The following CDH18 variants were observed in gnomAD, a reference collection of about 807,000 sequenced individuals.
CDH18 encodes the protein cadherin-18.
In CDH18, 31 loss-of-function variants were observed where a neutral mutation model predicts 67.9. That is an observed-to-expected ratio of 0.46 (90% CI 0.34 to 0.62). The LOEUF is 0.62. Among genes scored for constraint, CDH18 ranks in the 20% least tolerant of loss-of-function variants. The pLI is 0.01. For missense variants in CDH18, 890 were observed against 975.5 expected (o/e 0.91, Z 1.17); for synonymous variants, 362 against 347.2 (o/e 1.04, Z -0.48).
intron 11 of CDH18, among the ~76,000 whole-genome samples, chr5:19,491,857 C>A (rs1470635248): frequency 6.6e-6 from 1 of 151,656 alleles, no homozygotes; most frequent in Admixed American, 6.6e-5. Flanking sequence ...ATGCCACCAA[C>A]AAAGTAATAA....
At chr5:19,896,107 A>T (rs1789301824) in intron 2 of CDH18, among the ~76,000 whole-genome samples, 1 of 152,142 alleles carries the variant, frequency 6.6e-6, no homozygotes, top group Admixed American at 6.5e-5. Context: ...CTGTAATCCC[A>T]GCACTTTGGG....
intron 1 of CDH18, among the ~76,000 whole-genome samples, chr5:20,323,252 AC>A (rs1376965250): frequency 6.6e-6 from 1 of 152,140 alleles, no homozygotes; most frequent in Non-Finnish European, 1.5e-5. Flanking sequence ...AGTACATTAT[AC>A]TAATATTAGA....
chr5:19,819,469 G>T (rs1209351758), intron 3 of CDH18, among the ~76,000 whole-genome samples: 2 of 152,242 alleles, frequency 1.3e-5, no homozygotes, highest in Middle Eastern at 6.8e-3. Flanking sequence ...GACACCGAGG[G>T]TGAATAGGGA....
intron 1 of CDH18, among the ~76,000 whole-genome samples, chr5:20,379,720 A>T (rs1743756791): frequency 6.6e-6 from 1 of 152,110 alleles, no homozygotes; most frequent in Non-Finnish European, 1.5e-5. Context: ...CAGATTCAGC[A>T]TGTAGCCATT....
chr5:20,030,775 T>C (rs1339663174), intron 2 of CDH18, among the ~76,000 whole-genome samples: 3 of 152,144 alleles, frequency 2.0e-5, no homozygotes. Flanking sequence ...CAGAGTGTCC[T>C]ACACTATCTG....
At chr5:20,349,508 G>T (rs1740987294) in intron 1 of CDH18, among the ~76,000 whole-genome samples, 1 of 152,034 alleles carries the variant, frequency 6.6e-6, no homozygotes, top group Non-Finnish European at 1.5e-5. Context: ...TGATCCAGCA[G>T]GCGTTAAAGT....
At chr5:19,635,724 T>G (rs1174665004) in intron 5 of CDH18, among the ~76,000 whole-genome samples, 2 of 152,170 alleles carry the variant, frequency 1.3e-5, no homozygotes, top group African/African-American at 4.8e-5. Flanking sequence ...TGACTAGGTA[T>G]CCATTTATAT....
intron 2 of CDH18, among the ~76,000 whole-genome samples, chr5:20,094,949 A>G (rs565924738): frequency 2.0e-5 from 3 of 152,288 alleles, no homozygotes; most frequent in South Asian, 4.1e-4. Context: ...AATGTGGCAC[A>G]TATATACCAT....
chr5:19,686,161 A>G (rs541779144), intron 5 of CDH18, among the ~76,000 whole-genome samples: 1 of 152,288 alleles, frequency 6.6e-6, no homozygotes, highest in Admixed American at 6.5e-5. Flanking sequence ...AAATTCTTAA[A>G]AACCAGCACG....
intron 2 of CDH18, among the ~76,000 whole-genome samples, chr5:20,083,983 C>T (rs1206922151): frequency 1.3e-5 from 2 of 152,092 alleles, no homozygotes; most frequent in Non-Finnish European, 2.9e-5. Flanking sequence ...TGGTCCCTCC[C>T]ATATCTCATA....
chr5:20,343,967 G>T (rs1051475166), intron 1 of CDH18, among the ~76,000 whole-genome samples: 4 of 152,098 alleles, frequency 2.6e-5, no homozygotes, highest in Admixed American at 6.6e-5. Flanking sequence ...CAGCAAAAAT[G>T]CCCCAGAGTT....
At chr5:19,962,184 T>C (rs1243283463) in intron 2 of CDH18, among the ~76,000 whole-genome samples, 1 of 151,838 alleles carries the variant, frequency 6.6e-6, no homozygotes, top group African/African-American at 2.4e-5. Flanking sequence ...TAAATGTTTT[T>C]ATGTAAATTA....
chr5:20,216,072 C>A (rs1193785912), intron 2 of CDH18, among the ~76,000 whole-genome samples: 2 of 151,768 alleles, frequency 1.3e-5, no homozygotes, highest in Admixed American at 1.3e-4. Context: ...AATAAACCCC[C>A]ATGACACTGT....
intron 3 of CDH18, among the ~76,000 whole-genome samples, chr5:19,768,321 A>G (rs1294774915): frequency 6.6e-6 from 1 of 152,208 alleles, no homozygotes; most frequent in Non-Finnish European, 1.5e-5. Flanking sequence ...TTAAAAGGAA[A>G]AGCTAGGGAA....
At chr5:20,400,143 G>C (rs1745636597) in intron 1 of CDH18, among the ~76,000 whole-genome samples, 1 of 152,112 alleles carries the variant, frequency 6.6e-6, no homozygotes, top group Non-Finnish European at 1.5e-5. Context: ...TGTTTGTATA[G>C]ATCAATACAG....
intron 5 of CDH18, among the ~76,000 whole-genome samples, chr5:19,713,964 G>A (rs1765037992): frequency 2.0e-5 from 3 of 152,072 alleles, no homozygotes; most frequent in Admixed American, 2.0e-4. Context: ...GTACTATGAA[G>A]GTGATTCATA....
chr5:20,033,590 A>G (rs1739584775), intron 2 of CDH18, among the ~76,000 whole-genome samples: 2 of 152,078 alleles, frequency 1.3e-5, no homozygotes, highest in East Asian at 1.9e-4. Context: ...TCCCAATATG[A>G]AAAGTCAAAT....
At chr5:19,783,479 A>T (rs1257522432) in intron 3 of CDH18, among the ~76,000 whole-genome samples, 1 of 152,186 alleles carries the variant, frequency 6.6e-6, no homozygotes, top group Non-Finnish European at 1.5e-5. Context: ...TGTGCCTGAC[A>T]GGAGTTTAAA....
intron 1 of CDH18, among the ~76,000 whole-genome samples, chr5:20,300,074 G>A (rs1747846497): frequency 6.6e-6 from 1 of 151,990 alleles, no homozygotes; most frequent in Non-Finnish European, 1.5e-5. Flanking sequence ...TATATTTGCA[G>A]TGTGACACTT....
Sources: gnomAD v4.1 joint callset for allele counts (sites outside exome capture counted in the v4.1 genomes callset) on GRCh38, gnomAD v4.1.1 for gene constraint, MANE v1.5 for transcripts, NCBI Gene and HGNC (gene_info 2026-07-23, HGNC 2026-07-21) for gene names.